KIF22: variants seen among roughly 807,000 people sequenced by gnomAD.
KIF22 encodes the protein kinesin family member 22.
A neutral mutation model predicts 73.0 loss-of-function variants in KIF22; 62 were observed. The ratio of observed to expected loss-of-function variants is 0.85; its 90% CI spans 0.69 to 1.05. KIF22 has a LOEUF of 1.05. KIF22 is among the 50% of genes least tolerant of loss of function. KIF22 has a pLI of 0.00. For synonymous variants in KIF22, 411 were observed against 340.1 expected, an observed-to-expected ratio of 1.21 and a Z score of -2.29; for missense variants, 854 against 870.1, an observed-to-expected ratio of 0.98 and a Z score of 0.23.
At chr16:29,804,151 G>A in intron 11 of KIF22, 86 bp downstream of exon 11, 1 of 1,110,816 alleles carries the variant, frequency 9.0e-7, no homozygotes, top group Non-Finnish European at 1.4e-6. Context: ...TGGCCTTGGG[G>A]TTAAACGAAC....
chr16:29,803,706 C>A, intron 10 of KIF22, 98 bp downstream of exon 10: 1 of 1,023,974 alleles, frequency 9.8e-7, no homozygotes, highest in Non-Finnish European at 1.4e-6. Flanking sequence ...CATATTCTCC[C>A]ACCACATACC....
At chr16:29,790,863 G>T in intron 1 of KIF22, 34 bp downstream of exon 1, 4 of 1,577,216 alleles carry the variant, frequency 2.5e-6, no homozygotes, top group Non-Finnish European at 3.4e-6. Flanking sequence ...GGCGGGTACC[G>T]ACGTCTGGAG....
At position 29,792,450 on chromosome 16, in the gene KIF22, T is replaced by C. The variant is rs187438821; in HGVS notation, c.70+1621T>C. 811 of 978,974 alleles carry C rather than the reference T, an allele frequency of 8.3e-4. 7 individuals are homozygous for C. In the African/African-American group the frequency reaches 0.013, roughly 15 times the overall value. The allele number at this position is 978,974 out of a possible 1,614,324, so 60.6% of individuals were successfully genotyped here. ...AGTGATTAGTAGTTTATTCACTAAA[T>C]CTTAATTTTTTTCAGCAAATACTTC... On this transcript the variant is annotated intron_variant, in intron 1 of 13. Transcript: ENST00000160827.
At position 29,798,760 on chromosome 16, in the gene KIF22, G is replaced by A. The variant is rs772828204; in HGVS notation, c.549+13G>A. On this transcript the variant is annotated intron_variant, in intron 4 of 13. Transcript: ENST00000160827. The surrounding 1 kb of genome is among the most constrained non-coding windows in gnomAD (Gnocchi z 4.1). ...CTACCAGGAGAAGGTGAGGCCCCGT[G>A]CTGGTTGGGAGAGGAGCAACAAAGG... is the stretch of plus-strand genomic sequence containing the variant. The A allele has an allele frequency of 6.2e-7, 1 of 1,612,420 alleles. No individual in the cohort carries two copies. The highest frequency in any genetic ancestry group is 8.5e-7 in the Non-Finnish European group (1 of 1,179,128).
chr16:29,804,885 G>T lies in KIF22; in HGVS notation c.1749G>T (p.Glu583Asp). Residue 583 changes from glutamate to aspartate, a missense_variant, in exon 12 of 14, where the codon GAG becomes GAT. Physicochemically the swap from Glu to Asp is conservative, Grantham distance 45. Around this residue, in one of 3 missense-constraint regions of KIF22, gnomAD observed 423 missense variants for 365.4 expected, o/e 1.16. Coordinates refer to ENST00000160827, the MANE Select transcript of KIF22 (RefSeq NM_007317.3). ...EDCWELQISP[E>D]LLAHGRQKIL... ...GCTGGGAGCTACAGATCAGCCCGGA[G>T]CTACTGGCTCATGGGCGCCAAAAAA... The T allele has an allele frequency of 1.2e-6, 2 of 1,613,958 alleles. No homozygotes were observed. The highest frequency in any genetic ancestry group is 1.7e-6 in the Non-Finnish European group (2 of 1,180,008).
chr16:29,797,009 C>A lies in KIF22; in HGVS notation c.187C>A (p.Pro63Thr). ...FVDGTAGASD[P>T]PCVRGMDSCS... is the part of the protein sequence containing the mutation. ...GGATGGAACAGCGGGAGCAAGTGAT[C>A]CCCCCTGTGTGCGGGGCATGGACAG... is the stretch of plus-strand genomic sequence containing the variant. Residue 63 changes from proline (P) to threonine (T), a missense_variant, in exon 2 of 14, where the codon CCC (proline) becomes ACC (threonine). This residue lies in a region of KIF22 where 186 missense variants were observed against 152.9 expected (regional missense o/e 1.22). Transcript: ENST00000160827. This position sits in a 1 kb window ranked among gnomAD's most constrained non-coding sequence, Gnocchi z 4.1. The A allele has an allele frequency of 1.2e-6, 2 of 1,613,404 alleles. No individual in the cohort carries two copies. Among genetic ancestry groups the A allele is most frequent in the African/African-American group, 1.3e-5 (1 of 75,008 alleles).
rs183566608 is a variant in KIF22 at position 29,805,318 on chromosome 16, C to G, written c.*8C>G. 16 of 1,612,548 alleles carry G rather than the reference C, an allele frequency of 9.9e-6. No individual in the cohort carries two copies. In the African/African-American group the frequency reaches 2.0e-4, roughly 20 times the overall value. The stretch of plus-strand genomic sequence containing the variant: ...CGCTGTGGCGCCTCCTGACCGTCGT[C>G]TCCTCACTCCGCCTTTTCAAATTTT... On this transcript the variant is annotated 3_prime_UTR_variant, in exon 14 of 14. Transcript: ENST00000160827.
intron 8 of KIF22, 74 bp from the exon 9 acceptor site, chr16:29,802,695 G>A: frequency 7.2e-7 from 1 of 1,383,056 alleles, no homozygotes; most frequent in South Asian, 1.5e-5. Context: ...TTAAGGTGTG[G>A]TGAGGGGAGT....
rs545327321 is a variant in KIF22 at position 29,804,785 on chromosome 16, C to T, written c.1678-29C>T. The T allele has an allele frequency of 3.2e-6, 5 of 1,554,922 alleles. No individual in the cohort carries two copies. The Admixed American group carries it at 7.4e-5, about 23-fold the overall frequency. On this transcript the variant is annotated intron_variant, in intron 11 of 13. Transcript: ENST00000160827. ...GAGCCCAAAGCACTTGGCTGCCCTG[C>T]GTGTCACTCATCTCCCTTTGCCTCC...
chr16:29,791,349 C>G (rs1442254988), intron 1 of KIF22: 2 of 534,450 alleles, frequency 3.7e-6, no homozygotes, highest in African/African-American at 4.1e-5. Flanking sequence ...GCGTAAGATG[C>G]TCTGCGATTA....
In KIF22 at chr16:29,790,771, C is replaced by T. The variant is rs374699250; in HGVS notation, c.12C>T (p.Gly4=). Residue 4 remains glycine, a synonymous_variant, in exon 1 of 14, where the codon GGC becomes GGT. Coordinates refer to ENST00000160827, the MANE Select transcript of KIF22 (RefSeq NM_007317.3). ...AAGGAGGGAGTGGAATGGCCGCGGG[C>T]GGCTCGACGCAGCAGAGGCGACGCG... MAA[G]GSTQQRRREM... 2.1e-4 allele frequency: 342 copies of T among 1,597,354 alleles called. 2 individuals carry two copies. In the African/African-American group the frequency reaches 4.1e-3, roughly 19 times the overall value.
In KIF22 at chr16:29,798,678, GGA is replaced by G; in HGVS notation, c.482_483del (p.Glu161GlyfsTer56). 2 of 1,614,196 alleles carry G rather than the reference GGA, an allele frequency of 1.2e-6. No homozygotes were observed. The highest frequency in any genetic ancestry group is 1.7e-6 in the Non-Finnish European group (2 of 1,180,036). ...LMDLLQLTRE[E>X]GAEGRPWALS... ...TGGACCTCCTGCAGCTCACAAGGGA[GGA>G]GGGTGCCGAGGGCCGGCCATGGGCC... is the stretch of plus-strand genomic sequence containing the variant. On this transcript the variant is annotated frameshift_variant, in exon 4 of 14. Transcript: ENST00000160827. LOFTEE classifies it high-confidence loss of function. The surrounding 1 kb of genome is among the most constrained non-coding windows in gnomAD (Gnocchi z 4.1).
chr16:29,804,373 C>T, intron 11 of KIF22: 2 of 600,608 alleles, frequency 3.3e-6, no homozygotes, highest in South Asian at 2.0e-5. Flanking sequence ...AAGCAAGAAA[C>T]CACACATATG....
intron 6 of KIF22, 24 bp from the exon 7 acceptor site, chr16:29,799,604 C>T (rs1429396025): frequency 6.2e-7 from 1 of 1,613,596 alleles, no homozygotes; most frequent in African/African-American, 1.3e-5. Context: ...TTCTGACCCA[C>T]CCACTGCCTG....
rs369833500 is a variant in KIF22, at chr16:29,792,392, G to A, written c.70+1563G>A. On this transcript the variant is annotated intron_variant, in intron 1 of 13. Coordinates refer to ENST00000160827, the MANE Select transcript of KIF22 (RefSeq NM_007317.3). ...TGTGAGCCCTGGGGCAGGAATGGCC[G>A]TGAGCCATTTTCATGATGGAAATGA... 379 of 984,276 alleles carry A rather than the reference G, an allele frequency of 3.9e-4. 2 individuals are homozygous for A. In the African/African-American group the frequency reaches 6.3e-3, roughly 16 times the overall value. The allele number at this position is 984,276 out of a possible 1,614,324, so 61.0% of individuals were successfully genotyped here. A position where few individuals can be genotyped will look rare whatever the true frequency, so the allele number is the denominator to read the frequency against.
At chr16:29,801,956 G>C (rs2142377007) in intron 8 of KIF22, among the ~76,000 whole-genome samples, 2 of 152,198 alleles carry the variant, frequency 1.3e-5, no homozygotes, top group Admixed American at 1.3e-4. Context: ...CAAGATTCCA[G>C]GCAAAATAAA....
In KIF22 at chr16:29,797,012, C is replaced by G. The variant is rs1898970437; in HGVS notation, c.190C>G (p.Pro64Ala). Residue 64 changes from proline (P) to alanine (A), a missense_variant, in exon 2 of 14, where the codon CCC becomes GCC. Around this residue, in one of 3 missense-constraint regions of KIF22, gnomAD observed 186 missense variants for 152.9 expected, o/e 1.22. Transcript: ENST00000160827. This position sits in a 1 kb window ranked among gnomAD's most constrained non-coding sequence, Gnocchi z 4.1. ...VDGTAGASDP[P>A]CVRGMDSCSL... ...TGGAACAGCGGGAGCAAGTGATCCC[C>G]CCTGTGTGCGGGGCATGGACAGCTG... 1 of 1,613,912 alleles carries G rather than the reference C, an allele frequency of 6.2e-7. No homozygotes were observed.
At position 29,800,044 on chromosome 16, in the gene KIF22, C is replaced by A; in HGVS notation, c.1276C>A (p.Leu426Ile). ...MAAPASASQK[L>I]SPLQKLSSMD... ...AGCTCCAGCCTCTGCCTCCCAGAAA[C>A]TCAGGTGAGCAGTGGGGCCTTGGGT... Residue 426 changes from leucine (L) to isoleucine (I), a missense_variant, in exon 8 of 14, where the codon CTC (leucine) becomes ATC (isoleucine). By Grantham distance (5) the Leu-to-Ile change is conservative (BLOSUM62 2). Around this residue, in one of 3 missense-constraint regions of KIF22, gnomAD observed 423 missense variants for 365.4 expected, o/e 1.16. Coordinates refer to ENST00000160827, the MANE Select transcript of KIF22 (RefSeq NM_007317.3). The A allele has an allele frequency of 6.2e-7, 1 of 1,610,898 alleles. No homozygotes were observed. Among genetic ancestry groups the A allele is most frequent in the Non-Finnish European group, 8.5e-7 (1 of 1,179,640 alleles).
At chr16:29,795,232 A>G (rs1898919624) in intron 1 of KIF22, among the ~76,000 whole-genome samples, 1 of 152,228 alleles carries the variant, frequency 6.6e-6, no homozygotes, top group African/African-American at 2.4e-5. Flanking sequence ...GCCATGAGGA[A>G]CAAATGAGAA....
Sources: allele counts gnomAD v4.1 joint callset (sites outside exome capture counted in the v4.1 genomes callset), GRCh38; gene constraint gnomAD v4.1.1; regional missense constraint gnomAD v4.1.1; non-coding constraint Gnocchi (gnomAD v3.1); transcripts MANE v1.5; gene names NCBI Gene and HGNC (gene_info 2026-07-23, HGNC 2026-07-21).